RUNX1T1: variants seen among roughly 807,000 people sequenced by gnomAD.
The protein encoded by RUNX1T1 is RUNX1 partner transcriptional co-repressor 1.
Under a neutral mutation model 62.8 loss-of-function variants are expected in RUNX1T1, and 4 were observed. That is an observed-to-expected ratio of 0.06 (90% confidence interval 0.03 to 0.15). RUNX1T1 has a LOEUF of 0.15. Ranked by LOEUF, RUNX1T1 falls within the 10% of genes least tolerant of loss-of-function variation. RUNX1T1 has a pLI of 1.00. For synonymous variants in RUNX1T1, 291 were observed against 286.0 expected (o/e 1.02, Z -0.18); for missense variants, 508 against 754.3 (o/e 0.67, Z 3.82).
chr8:92,095,408 G>A (rs1346162454), intron 1 of RUNX1T1: 1 of 1,535,600 alleles, frequency 6.5e-7, no homozygotes, highest in Admixed American at 2.0e-5. Context: ...CCGCGGCTTT[G>A]TATTCATTAA....
At chr8:92,064,222 T>C (rs1832526583), upstream of RUNX1T1, among the ~76,000 whole-genome samples, 1 of 152,146 alleles carries the variant, frequency 6.6e-6, no homozygotes, top group Non-Finnish European at 1.5e-5. Flanking sequence ...CAATAAGAAC[T>C]TCTACAGCCC....
chr8:92,062,470 G>A (rs1197124809), intron 1 of RUNX1T1: 2 of 1,471,658 alleles, frequency 1.4e-6, no homozygotes, highest in Admixed American at 1.7e-5. Flanking sequence ...GGGGCAGAAG[G>A]TATTTTCCAT....
intron 1 of RUNX1T1, among the ~76,000 whole-genome samples, chr8:92,026,504 A>G (rs1455544403): frequency 1.8e-4 from 28 of 152,198 alleles, no homozygotes; most frequent in Admixed American, 1.8e-3. Context: ...TAAACGTTAA[A>G]TCTGTAGCTA....
intron 1 of RUNX1T1, among the ~76,000 whole-genome samples, chr8:92,087,691 T>C (rs1836348663): frequency 6.6e-6 from 1 of 152,098 alleles, no homozygotes; most frequent in Admixed American, 6.5e-5. Context: ...AAACATTTAC[T>C]AAATATTTAT....
intron 1 of RUNX1T1, among the ~76,000 whole-genome samples, chr8:92,080,126 G>A (rs965648425): frequency 3.3e-5 from 5 of 151,876 alleles, no homozygotes; most frequent in African/African-American, 1.2e-4. Context: ...GGTCTCATCT[G>A]GGGGGTGCTC....
intron 1 of RUNX1T1, among the ~76,000 whole-genome samples, chr8:92,038,357 T>C (rs1366144712): frequency 6.6e-6 from 1 of 152,044 alleles, no homozygotes; most frequent in Non-Finnish European, 1.5e-5. Context: ...GAAGGCAGGA[T>C]TCTAACTTTT....
intron 1 of RUNX1T1, among the ~76,000 whole-genome samples, chr8:92,097,342 T>C (rs373874077): frequency 6.6e-6 from 1 of 152,324 alleles, no homozygotes; most frequent in East Asian, 1.9e-4. Context: ...TTCTTACATG[T>C]TTTAAATTTA....
intron 1 of RUNX1T1, among the ~76,000 whole-genome samples, chr8:92,025,587 G>A (rs1587098344): frequency 6.6e-6 from 1 of 152,248 alleles, no homozygotes; most frequent in East Asian, 1.9e-4. Flanking sequence ...ATCCCCAGCT[G>A]GCCGGGTTTG....
chr8:91,975,997 TGGAGAGAGGA>T, intron 8 of RUNX1T1, 24 bp from the exon 10 acceptor site: 2 of 1,570,770 alleles, frequency 1.3e-6, no homozygotes, highest in Non-Finnish European at 1.8e-6. Context: ...GGGAAGGGGG[TGGAGAGAGGA>T]GGAGAGTACT....
chr8:92,014,800 A>C, exon 3 of RUNX1T1: 1 of 1,611,704 alleles, frequency 6.2e-7, no homozygotes, highest in African/African-American at 1.3e-5. Flanking sequence ...GCTGTAGGAG[A>C]ATGGCTCGTG....
intron 5 of RUNX1T1, among the ~76,000 whole-genome samples, chr8:92,002,830 T>G (rs1028050743): frequency 6.6e-6 from 1 of 152,114 alleles, no homozygotes; most frequent in Non-Finnish European, 1.5e-5. Context: ...AAATTTCATA[T>G]AGTAGATCTG....
chr8:92,035,191 A>T (rs1827178204), intron 1 of RUNX1T1, among the ~76,000 whole-genome samples: 1 of 151,764 alleles, frequency 6.6e-6, no homozygotes, highest in Non-Finnish European at 1.5e-5. Context: ...GCTACTTGGG[A>T]GGCTGAGGCA....
In RUNX1T1 at chr8:91,965,383, T is replaced by G. The variant is rs1811360791; in HGVS notation, c.1459-4866A>C. 2.0e-5 allele frequency among the ~76,000 whole-genome samples: 3 copies of G among 152,172 alleles called. 1 individual carries two copies. The highest frequency in any genetic ancestry group is 4.1e-4 in the South Asian group (2 of 4,836). Reference sequence around the variant, plus strand: ...AAAATTCTCTTTCTTATACAATAACTTCTTCTGCTGTTTGTTCTTTTCCCT... The same window carrying G: ...AAAATTCTCTTTCTTATACAATAACGTCTTCTGCTGTTTGTTCTTTTCCCT... On this transcript the variant is annotated intron_variant, in intron 10 of 10. Coordinates refer to ENST00000396218, the Ensembl canonical transcript of RUNX1T1.
intron 1 of RUNX1T1, among the ~76,000 whole-genome samples, chr8:92,078,201 TAAA>T (rs753291234): frequency 7.4e-6 from 1 of 135,088 alleles, no homozygotes. Context: ...AAAGGGTAAC[TAAA>T]AAAAAAAAAA....
At chr8:92,028,617 G>T (rs1342568662) in intron 1 of RUNX1T1, among the ~76,000 whole-genome samples, 1 of 152,162 alleles carries the variant, frequency 6.6e-6, no homozygotes, top group African/African-American at 2.4e-5. Flanking sequence ...TTCTATTTAA[G>T]ATCTCATTTA....
intron 4 of RUNX1T1, among the ~76,000 whole-genome samples, chr8:92,007,050 A>G (rs1820920498): frequency 6.6e-6 from 1 of 152,222 alleles, no homozygotes; most frequent in Non-Finnish European, 1.5e-5. Context: ...TGGGTAATAT[A>G]TTGTATATAT....
At chr8:92,093,173 C>G (rs192363747) in intron 1 of RUNX1T1, among the ~76,000 whole-genome samples, 1 of 152,134 alleles carries the variant, frequency 6.6e-6, no homozygotes, top group Non-Finnish European at 1.5e-5. Context: ...GTATAAAGGA[C>G]TAGTTTTGTT....
intron 1 of RUNX1T1, among the ~76,000 whole-genome samples, chr8:92,050,815 G>A (rs1012631510): frequency 2.0e-5 from 3 of 152,154 alleles, no homozygotes; most frequent in Non-Finnish European, 4.4e-5. Flanking sequence ...TTAACCCTCT[G>A]ATGGCTTCCA....
At chr8:92,089,499 T>G (rs1421242498) in intron 1 of RUNX1T1, among the ~76,000 whole-genome samples, 1 of 152,094 alleles carries the variant, frequency 6.6e-6, no homozygotes, top group Non-Finnish European at 1.5e-5. Context: ...ATTTCCCAAG[T>G]GAAGCGAGTC....
Sources: allele counts gnomAD v4.1 joint callset (sites outside exome capture counted in the v4.1 genomes callset), GRCh38; gene constraint gnomAD v4.1.1; transcripts MANE v1.5; gene names NCBI Gene and HGNC (gene_info 2026-07-23, HGNC 2026-07-21).